The following PIK3C2G variants were observed in gnomAD, a reference collection of about 807,000 sequenced individuals.
PIK3C2G encodes phosphatidylinositol 3-kinase C2 domain-containing subunit gamma.
Under a neutral mutation model 181.1 loss-of-function variants are expected in PIK3C2G, and 168 were observed. That is an observed-to-expected ratio of 0.93 (90% confidence interval 0.82 to 1.05). PIK3C2G has a LOEUF of 1.05. PIK3C2G is among the 50% of genes least tolerant of loss of function. PIK3C2G has a pLI of 0.00. For synonymous variants in PIK3C2G, 573 were observed against 592.2 expected (o/e 0.97, Z 0.47); for missense variants, 1,869 against 1,732.8 (o/e 1.08, Z -1.40).
chr12:18,287,427 C>G (rs914696931), intron 3 of PIK3C2G, among the ~76,000 whole-genome samples: 9 of 152,134 alleles, frequency 5.9e-5, no homozygotes, highest in Non-Finnish European at 1.3e-4. Flanking sequence ...AAAAAAATCA[C>G]TGATATTTTG....
intron 8 of PIK3C2G, among the ~76,000 whole-genome samples, chr12:18,334,227 C>T (rs1226730042): frequency 6.6e-6 from 1 of 152,028 alleles, no homozygotes; most frequent in African/African-American, 2.4e-5. Context: ...GATCATATAC[C>T]TGAATCTGGA....
chr12:18,293,855 A>G, intron 4 of PIK3C2G, 46 bp from the exon 5 acceptor site: 1 of 915,694 alleles, frequency 1.1e-6, no homozygotes. Flanking sequence ...CCTAGTCAGT[A>G]TATGATACAC....
intron 31 of PIK3C2G, among the ~76,000 whole-genome samples, chr12:18,619,947 A>C (rs375010198): frequency 6.6e-6 from 1 of 152,024 alleles, no homozygotes; most frequent in African/African-American, 2.4e-5. Flanking sequence ...GATGTTCTCC[A>C]TCTCCTGACC....
At chr12:18,545,787 A>G (rs1944390980) in intron 25 of PIK3C2G, among the ~76,000 whole-genome samples, 1 of 151,918 alleles carries the variant, frequency 6.6e-6, no homozygotes, top group Non-Finnish European at 1.5e-5. Context: ...GGTGAGTTTT[A>G]TACTCTATGT....
At chr12:18,451,121 T>A (rs1280059282) in intron 18 of PIK3C2G, among the ~76,000 whole-genome samples, 1 of 152,220 alleles carries the variant, frequency 6.6e-6, no homozygotes, top group African/African-American at 2.4e-5. Context: ...AGAAAGTCAA[T>A]GGTAGCTTGA....
chr12:18,649,508 A>T (rs188385373), downstream of PIK3C2G, among the ~76,000 whole-genome samples: 4 of 152,216 alleles, frequency 2.6e-5, no homozygotes, highest in Admixed American at 2.0e-4. Context: ...CAAAAAATTA[A>T]AACTTTCTCG....
chr12:18,382,669 A>G (rs1345585456), intron 14 of PIK3C2G, among the ~76,000 whole-genome samples: 1 of 152,196 alleles, frequency 6.6e-6, no homozygotes, highest in Non-Finnish European at 1.5e-5. Context: ...ATGTTTAGCA[A>G]CATCCCCGGC....
chr12:18,448,572 C>A (rs138691285), intron 18 of PIK3C2G, among the ~76,000 whole-genome samples: 1 of 152,252 alleles, frequency 6.6e-6, no homozygotes, highest in East Asian at 1.9e-4. Flanking sequence ...CCACATCCCA[C>A]AACCACCATG....
At chr12:18,245,626 G>T (rs10840987), upstream of PIK3C2G, among the ~76,000 whole-genome samples, 65,369 of 151,712 alleles carry the variant, frequency 0.43, 14,635 homozygotes, top group East Asian at 0.75. Context: ...CACTGCATAT[G>T]TAACTTACAA....
At chr12:18,700,512 C>CAAAAAAAAAAAAAAAAAAA in the PIK3C2G span, among the ~76,000 whole-genome samples, 2 of 67,896 alleles carry the variant, frequency 2.9e-5, no homozygotes, top group African/African-American at 1.2e-4. Flanking sequence ...AGCCAACGTA[C>CAAAAAAAAAAAAAAAAAAA]AAAAAAAAAA....
intron 22 of PIK3C2G, among the ~76,000 whole-genome samples, chr12:18,498,473 TATTAA>T (rs1941185462): frequency 1.3e-5 from 2 of 152,224 alleles, no homozygotes. Flanking sequence ...CTTAGAATTT[TATTAA>T]ATTAATTGGT....
intron 18 of PIK3C2G, among the ~76,000 whole-genome samples, chr12:18,463,214 AT>A (rs1164428082): frequency 6.6e-6 from 1 of 152,172 alleles, no homozygotes; most frequent in Admixed American, 6.6e-5. Flanking sequence ...ACGTACCAAA[AT>A]TTTATAACAT....
upstream of PIK3C2G, among the ~76,000 whole-genome samples, chr12:18,245,389 C>G: frequency 6.6e-6 from 1 of 152,076 alleles, no homozygotes; most frequent in East Asian, 1.9e-4. Flanking sequence ...ACTTACATCT[C>G]AATATTTTAT....
chr12:18,514,024 T>G (rs1333594466), intron 24 of PIK3C2G, among the ~76,000 whole-genome samples: 1 of 151,908 alleles, frequency 6.6e-6, no homozygotes, highest in Non-Finnish European at 1.5e-5. Context: ...TTTTGCTGCA[T>G]GCAATATGCT....
At chr12:18,611,041 C>T (rs146069189) in intron 31 of PIK3C2G, among the ~76,000 whole-genome samples, 37 of 152,110 alleles carry the variant, frequency 2.4e-4, no homozygotes, top group African/African-American at 8.7e-4. Context: ...ATTAACCAAC[C>T]TAGTCATCCA....
chr12:18,499,614 T>G (rs1327002513), intron 22 of PIK3C2G, among the ~76,000 whole-genome samples: 1 of 152,182 alleles, frequency 6.6e-6, no homozygotes, highest in African/African-American at 2.4e-5. Context: ...ACATAAAAAT[T>G]ACATAGGGGG....
chr12:18,652,045 C>T (rs980546), downstream of PIK3C2G, among the ~76,000 whole-genome samples: 93,167 of 151,934 alleles, frequency 0.61, 29,047 homozygotes, highest in East Asian at 0.89. Context: ...GTTAGTTTTA[C>T]GTATAACTTT....
At chr12:18,392,850 A>G (rs1391490562) in intron 15 of PIK3C2G, among the ~76,000 whole-genome samples, 1 of 152,106 alleles carries the variant, frequency 6.6e-6, no homozygotes, top group Non-Finnish European at 1.5e-5. Context: ...TTGACCTTGC[A>G]TAGTTTCTGG....
At chr12:18,439,851 C>T (rs1300270631) in intron 18 of PIK3C2G, among the ~76,000 whole-genome samples, 1 of 151,944 alleles carries the variant, frequency 6.6e-6, no homozygotes, top group African/African-American at 2.4e-5. Flanking sequence ...AATCACACAC[C>T]ATGTATAATG....
Sources: gnomAD v4.1 joint callset for allele counts (sites outside exome capture counted in the v4.1 genomes callset) on GRCh38, gnomAD v4.1.1 for gene constraint, MANE v1.5 for transcripts, NCBI Gene and HGNC (gene_info 2026-07-23, HGNC 2026-07-21) for gene names.